Variants in SHC2 observed in about 807,000 individuals in gnomAD.
SHC2 encodes SHC-transforming protein 2.
Under a neutral mutation model 60.6 loss-of-function variants are expected in SHC2, and 62 were observed. The observed-to-expected ratio is 1.02, with a 90% CI of 0.83 to 1.26. The LOEUF (loss-of-function observed/expected upper bound fraction) is 1.26. SHC2 is among the 50% of genes most tolerant of loss of function. SHC2 has a pLI of 0.00. For missense variants in SHC2, 873 were observed against 822.2 expected (o/e 1.06, Z -0.76); for synonymous variants, 375 against 372.4 (o/e 1.01, Z -0.08).
intron 10 of SHC2, among the ~76,000 whole-genome samples, chr19:423,970 G>A (rs1004119927): frequency 1.3e-5 from 2 of 152,202 alleles, no homozygotes; most frequent in South Asian, 2.1e-4. Context: ...AGCTCTTCAC[G>A]TAGTGCTTGG....
rs1377463194 is a variant in SHC2, at chr19:436,127, G to A, written c.953+38C>T. On this transcript the variant is annotated intron_variant, in intron 7 of 12. Coordinates refer to ENST00000264554, the MANE Select transcript of SHC2 (RefSeq NM_012435.3). Reference sequence around the variant, plus strand: ...GCTCTGCACCTGGGCAGGTCACTGGGGGTGTCCCCAGGGCACGGGGGAGGC... The same window carrying A: ...GCTCTGCACCTGGGCAGGTCACTGGAGGTGTCCCCAGGGCACGGGGGAGGC... 3 of 1,603,596 alleles carry A rather than the reference G, an allele frequency of 1.9e-6. No individual in the cohort carries two copies. The Admixed American group carries it at 5.1e-5, about 27-fold the overall frequency.
intron 1 of SHC2, among the ~76,000 whole-genome samples, chr19:458,060 G>A (rs1374637592): frequency 1.5e-5 from 2 of 136,300 alleles, no homozygotes; most frequent in African/African-American, 5.1e-5. Flanking sequence ...AGCGGGTCTT[G>A]GGGAGGCGGA....
chr19:428,230 A>C (rs1312706881), intron 9 of SHC2, among the ~76,000 whole-genome samples: 1 of 152,226 alleles, frequency 6.6e-6, no homozygotes, highest in Non-Finnish European at 1.5e-5. Flanking sequence ...TCAAAAACAA[A>C]AAGCCAAAGC....
intron 1 of SHC2, among the ~76,000 whole-genome samples, chr19:455,497 G>C (rs778917927): frequency 5.3e-5 from 8 of 152,240 alleles, no homozygotes; most frequent in Non-Finnish European, 1.0e-4. Flanking sequence ...ACGGCGCTCG[G>C]ACGCGGGGCC....
At chr19:449,175 T>A (rs11667604) in intron 1 of SHC2, among the ~76,000 whole-genome samples, 80,728 of 150,866 alleles carry the variant, frequency 0.54, 23,600 homozygotes, top group African/African-American at 0.79. Flanking sequence ...CTCTAAAAAA[T>A]TAAAATAAAT....
chr19:436,212 G>T lies in SHC2; in HGVS notation c.906C>A (p.Phe302Leu). Reference sequence around the variant, plus strand: ...TGGGCGGGCTGTGCAGGTACTGCTTGAAGCGCAGCTCGAAAGCTTGGCCCA... The same window carrying T: ...TGGGCGGGCTGTGCAGGTACTGCTTTAAGCGCAGCTCGAAAGCTTGGCCCA... ...STVGQAFELR[F>L]KQYLHSPPKV... The change falls in exon 7 of 13, where the codon TTC becomes TTA. Residue 302 changes from phenylalanine (F) to leucine (L), a missense_variant. Transcript: ENST00000264554. 3 of 1,606,928 alleles carry T rather than the reference G, an allele frequency of 1.9e-6. No individual in the cohort carries two copies. The highest frequency in any genetic ancestry group is 2.5e-6 in the Non-Finnish European group (3 of 1,177,338).
intron 9 of SHC2, among the ~76,000 whole-genome samples, chr19:428,468 A>C (rs1974474693): frequency 6.6e-6 from 1 of 152,246 alleles, no homozygotes; most frequent in South Asian, 2.1e-4. Context: ...TCTGGCGTGC[A>C]CAGTGTGGGA....
At position 422,749 on chromosome 19, in the gene SHC2, C is replaced by T; in HGVS notation, c.1310-293G>A. On this transcript the variant is annotated intron_variant, in intron 10 of 12. Coordinates refer to ENST00000264554, the MANE Select transcript of SHC2 (RefSeq NM_012435.3). This position sits in a 1 kb window ranked among gnomAD's most constrained non-coding sequence, Gnocchi z 5.0. The stretch of plus-strand genomic sequence containing the variant: ...AGAGGTTAACTCCTATTTCTTTTTC[C>T]TGCCTTGTCAGGTGGGCTTCCTTCC... 3.2e-6 allele frequency: 1 copy of T among 316,576 alleles called. No individual in the cohort carries two copies. Among genetic ancestry groups the T allele is most frequent in the Non-Finnish European group, 5.8e-6 (1 of 172,860 alleles). The allele number at this position is 316,576 out of a possible 1,614,324, so 19.6% of individuals were successfully genotyped here. A position where few individuals can be genotyped will look rare whatever the true frequency, so the allele number is the denominator to read the frequency against.
chr19:458,956 C>T lies in SHC2; in HGVS notation c.468+1573G>A, dbSNP rs1383807984. ...TTTCACAGCCAGCTTCTGGGGGCTC[C>T]CACAGGCTTTGGTGGGCCCGGGCTT... On this transcript the variant is annotated intron_variant, in intron 1 of 12. Coordinates refer to ENST00000264554, the MANE Select transcript of SHC2 (RefSeq NM_012435.3). Among the ~76,000 whole-genome samples the T allele has an allele frequency of 2.6e-5, 4 of 152,176 alleles. 1 individual carries two copies. The highest frequency in any genetic ancestry group is 6.8e-3 in the Middle Eastern group (2 of 294).
chr19:447,785 A>T lies in SHC2; in HGVS notation c.469-6853T>A, dbSNP rs145484847. Among the ~76,000 whole-genome samples the T allele has an allele frequency of 6.2e-3, 945 of 152,302 alleles. 6 individuals carry two copies. The highest frequency in any genetic ancestry group is 0.022 in the African/African-American group (902 of 41,546). On this transcript the variant is annotated intron_variant, in intron 1 of 12. Transcript: ENST00000264554. ...AAGAACAAAACTCCATCTAAAAAAAAAATTAAAAAATTATATGAGAAAAAG... is the reference window on the plus strand; with the variant it reads ...AAGAACAAAACTCCATCTAAAAAAATAATTAAAAAATTATATGAGAAAAAG...
chr19:420,916 G>A (rs1016141859), intron 11 of SHC2, among the ~76,000 whole-genome samples: 7 of 152,192 alleles, frequency 4.6e-5, no homozygotes, highest in Admixed American at 4.6e-4. Flanking sequence ...CAGGCGTGGT[G>A]GTGGGCGCCT....
intron 1 of SHC2, 146 bp downstream of exon 1, chr19:460,383 G>A (rs1975512144): frequency 1.2e-5 from 4 of 334,714 alleles, no homozygotes; most frequent in African/African-American, 2.2e-5. Flanking sequence ...CCGGCCGCCG[G>A]CCGGGGATGG....
At position 425,114 on chromosome 19, in the gene SHC2, T is replaced by C; in HGVS notation, c.1292A>G (p.Lys431Arg). 1 of 1,404,824 alleles carries C rather than the reference T, an allele frequency of 7.1e-7. No individual in the cohort carries two copies. The highest frequency in any genetic ancestry group is 2.7e-5 in the Admixed American group (1 of 36,848). 87.0% of individuals were successfully genotyped at this position (1,404,824 alleles called of 1,614,324 possible). A position where few individuals can be genotyped will look rare whatever the true frequency, so the allele number is the denominator to read the frequency against. ...DAPEPEDSPKKDLFDMRPFED... is the reference protein window; with the variant it reads ...DAPEPEDSPKRDLFDMRPFED... ...CCACATACGCATGTCAAACAGATCC[T>C]TTTTGGGGCTGTCCTCCGGCTCGGG... Residue 431 changes from lysine (K) to arginine (R), a missense_variant, in exon 10 of 13, where the codon AAG becomes AGG. Physicochemically the swap from Lys to Arg is conservative, Grantham distance 26. Coordinates refer to ENST00000264554, the MANE Select transcript of SHC2 (RefSeq NM_012435.3). The surrounding 1 kb of genome is among the most constrained non-coding windows in gnomAD (Gnocchi z 4.1).
Position 446,265 on chromosome 19 carries a change from G to C in SHC2, c.469-5333C>G, listed in dbSNP as rs1313385497. On this transcript the variant is annotated intron_variant, in intron 1 of 12. Transcript: ENST00000264554. This position sits in a 1 kb window ranked among gnomAD's most constrained non-coding sequence, Gnocchi z 5.4. Reference sequence around the variant, plus strand: ...GACGTTGGGCCCCAGAACTGTGACAGAACAAGTCTATGTTTGTGTGTGTGT... The same window carrying C: ...GACGTTGGGCCCCAGAACTGTGACACAACAAGTCTATGTTTGTGTGTGTGT... Among the ~76,000 whole-genome samples the C allele has an allele frequency of 6.6e-6, 1 of 152,092 alleles. No individual in the cohort carries two copies. Among genetic ancestry groups the C allele is most frequent in the Non-Finnish European group, 1.5e-5 (1 of 68,022 alleles).
intron 11 of SHC2, among the ~76,000 whole-genome samples, chr19:420,715 T>C (rs1600269771): frequency 6.6e-6 from 1 of 152,182 alleles, no homozygotes; most frequent in African/African-American, 2.4e-5. Flanking sequence ...ATCCAGACTC[T>C]AGAGATATCA....
At chr19:429,690 A>AT (rs1974518904) in intron 9 of SHC2, among the ~76,000 whole-genome samples, 3 of 142,330 alleles carry the variant, frequency 2.1e-5, no homozygotes, top group Admixed American at 7.0e-5. Context: ...CAGTACCTAT[A>AT]CCCAACATGC....
intron 7 of SHC2, chr19:435,838 C>T (rs576874561): frequency 3.8e-5 from 12 of 311,760 alleles, no homozygotes; most frequent in South Asian, 1.1e-4. Flanking sequence ...TGCGGTGAGA[C>T]GGAGGCCGTT....
rs7259509 is a variant in SHC2, at chr19:453,826, A to G, written c.468+6703T>C. Among the ~76,000 whole-genome samples the G allele has an allele frequency of 0.82, 125,217 of 152,124 alleles. 51,876 individuals carry two copies. The highest frequency in any genetic ancestry group is 0.97 in the East Asian group (5,027 of 5,172). Reference sequence around the variant, plus strand: ...GGCTCCACGCACCTGGAGCAGAGCCAGACACGCACAGGAAACTCTCCCTGA... The same window carrying G: ...GGCTCCACGCACCTGGAGCAGAGCCGGACACGCACAGGAAACTCTCCCTGA... On this transcript the variant is annotated intron_variant, in intron 1 of 12. Coordinates refer to ENST00000264554, the MANE Select transcript of SHC2 (RefSeq NM_012435.3). This position sits in a 1 kb window ranked among gnomAD's most constrained non-coding sequence, Gnocchi z 6.3.
rs1232434981 is a variant in SHC2, at chr19:422,513, G to A, written c.1310-57C>T. On this transcript the variant is annotated intron_variant, in intron 10 of 12. Transcript: ENST00000264554. This position sits in a 1 kb window ranked among gnomAD's most constrained non-coding sequence, Gnocchi z 5.0. ...CAGGGGGCAAGCAGCTACTCCTGCC[G>A]GGACCAGAGCTGGGAGAAACGGGTT... is the stretch of plus-strand genomic sequence containing the variant. 2.9e-5 allele frequency: 40 copies of A among 1,400,080 alleles called. No homozygotes were observed. Among genetic ancestry groups the A allele is most frequent in the African/African-American group, 5.8e-5 (4 of 68,716 alleles). The allele number at this position is 1,400,080 out of a possible 1,614,324, so 86.7% of individuals were successfully genotyped here.
Sources: allele counts gnomAD v4.1 joint callset (sites outside exome capture counted in the v4.1 genomes callset), GRCh38; gene constraint gnomAD v4.1.1; non-coding constraint Gnocchi (gnomAD v3.1); transcripts MANE v1.5; gene names NCBI Gene and HGNC (gene_info 2026-07-23, HGNC 2026-07-21).